Variants in ENOX1 observed in about 807,000 individuals in gnomAD.
ENOX1 encodes the protein ecto-NOX disulfide-thiol exchanger 1.
In ENOX1, 42 loss-of-function variants were observed where a neutral mutation model predicts 82.5. The ratio of observed to expected loss-of-function variants is 0.51; its 90% CI spans 0.40 to 0.66. The LOEUF (loss-of-function observed/expected upper bound fraction) is 0.66. Ranked by LOEUF, ENOX1 falls within the 30% of genes least tolerant of loss-of-function variation. ENOX1 has a pLI of 0.00. For missense variants in ENOX1, 608 were observed against 811.6 expected (o/e 0.75, Z 3.05); for synonymous variants, 271 against 282.2 (o/e 0.96, Z 0.40).
intron 14 of ENOX1, among the ~76,000 whole-genome samples, chr13:43,246,179 G>T (rs1027404409): frequency 5.3e-5 from 8 of 152,214 alleles, no homozygotes; most frequent in Admixed American, 2.0e-4. Context: ...TCGAAGTCAG[G>T]CTATTACATT....
rs1299566108 is a variant in ENOX1 at position 43,316,184 on chromosome 13, TG to T, written c.1261+6199del. On this transcript the variant is annotated intron_variant, in intron 11 of 16. Transcript: ENST00000690772. Reference sequence around the variant, plus strand: ...GACAGGAGCTGGGAACATGCTGGGCTGTCATGCAGGAAACTTTGTGGAGACC... The same window carrying T: ...GACAGGAGCTGGGAACATGCTGGGCTTCATGCAGGAAACTTTGTGGAGACC... Among the ~76,000 whole-genome samples the T allele has an allele frequency of 2.0e-5, 3 of 152,220 alleles. No homozygotes were observed. In the East Asian group the frequency reaches 5.8e-4, roughly 29 times the overall value.
intron 3 of ENOX1, among the ~76,000 whole-genome samples, chr13:43,475,810 A>AG (rs2058257317): frequency 1.3e-5 from 2 of 151,200 alleles, no homozygotes; most frequent in African/African-American, 4.8e-5. Context: ...AAAAAAAAAA[A>AG]AAAAAGAAAG....
At chr13:43,442,195 T>A (rs1407768) in intron 3 of ENOX1, among the ~76,000 whole-genome samples, 53,731 of 152,006 alleles carry the variant, frequency 0.35, 10,798 homozygotes, top group South Asian at 0.47. Flanking sequence ...CAGCTGCCCA[T>A]GAAAATGAGA....
intron 11 of ENOX1, chr13:43,321,101 T>C (rs745891855): frequency 8.5e-5 from 39 of 456,168 alleles, no homozygotes; most frequent in Non-Finnish European, 1.6e-4. Context: ...GTTAAGCACC[T>C]GAAAGATTAA....
At chr13:43,623,590 C>T (rs143856698) in intron 2 of ENOX1, among the ~76,000 whole-genome samples, 18 of 152,172 alleles carry the variant, frequency 1.2e-4, no homozygotes, top group Admixed American at 3.9e-4. Context: ...AACAGTTTTG[C>T]GGGGTGGTAT....
intron 3 of ENOX1, among the ~76,000 whole-genome samples, chr13:43,447,754 G>C (rs185799732): frequency 3.3e-5 from 5 of 152,250 alleles, no homozygotes; most frequent in Admixed American, 2.0e-4. Flanking sequence ...AAGGCTAGTA[G>C]TTTTGAAGTT....
chr13:43,539,296 ATATGCACTTAAGGCTATACATTTTCC>A (rs1450051956), intron 2 of ENOX1, among the ~76,000 whole-genome samples: 3 of 152,172 alleles, frequency 2.0e-5, no homozygotes. Context: ...TCCTTTGAAC[ATATGCACTTAAGGCTATACATTTTCC>A]TCAAAGATGG....
intron 16 of ENOX1, among the ~76,000 whole-genome samples, chr13:43,215,592 G>C (rs2041429425): frequency 6.6e-6 from 1 of 152,204 alleles, no homozygotes; most frequent in Non-Finnish European, 1.5e-5. Flanking sequence ...GAGCTACAGA[G>C]GGTTAAGTGT....
intron 2 of ENOX1, among the ~76,000 whole-genome samples, chr13:43,500,170 G>A (rs2076931838): frequency 6.6e-6 from 1 of 151,902 alleles, no homozygotes. Context: ...AAGAGAAAAA[G>A]GAACAGAAAG....
chr13:43,552,827 C>T (rs893228004), intron 2 of ENOX1, among the ~76,000 whole-genome samples: 1 of 152,138 alleles, frequency 6.6e-6, no homozygotes, highest in African/African-American at 2.4e-5. Flanking sequence ...CAAATGATTG[C>T]TTATCCAAGC....
At chr13:43,280,340 C>A (rs970423543) in intron 12 of ENOX1, among the ~76,000 whole-genome samples, 1 of 152,194 alleles carries the variant, frequency 6.6e-6, no homozygotes, top group Non-Finnish European at 1.5e-5. Context: ...TTTGGAGGTA[C>A]CTTTTGCAAG....
chr13:43,380,342 T>C (rs961303744), intron 5 of ENOX1, among the ~76,000 whole-genome samples: 2 of 151,662 alleles, frequency 1.3e-5, no homozygotes, highest in African/African-American at 2.4e-5. Context: ...CAATGTATTC[T>C]GGGTTTATGA....
intron 8 of ENOX1, among the ~76,000 whole-genome samples, chr13:43,346,025 T>C (rs912761965): frequency 2.0e-5 from 3 of 152,222 alleles, no homozygotes; most frequent in Non-Finnish European, 4.4e-5. Flanking sequence ...AGATTTCGTT[T>C]CACTCACCAG....
At chr13:43,449,103 G>C (rs1007563827) in intron 3 of ENOX1, among the ~76,000 whole-genome samples, 4 of 152,172 alleles carry the variant, frequency 2.6e-5, no homozygotes. Flanking sequence ...CCTTTTATAA[G>C]AGTTTAGAGG....
chr13:43,595,126 G>A (rs1370236727), intron 2 of ENOX1, among the ~76,000 whole-genome samples: 1 of 149,192 alleles, frequency 6.7e-6, no homozygotes, highest in Non-Finnish European at 1.5e-5. Flanking sequence ...GCCTTAGGGA[G>A]GGAAAGCGGC....
chr13:43,349,916 C>A (rs2049662357), intron 8 of ENOX1, among the ~76,000 whole-genome samples: 1 of 151,930 alleles, frequency 6.6e-6, no homozygotes, highest in Admixed American at 6.6e-5. Context: ...GCTGTCACTT[C>A]TATCCAGGAA....
chr13:43,470,400 G>GTA (rs367942044), intron 3 of ENOX1, among the ~76,000 whole-genome samples: 12,443 of 38,398 alleles, frequency 0.32, 2,408 homozygotes, highest in Non-Finnish European at 0.51. Context: ...ATATATATGT[G>GTA]TATATATATA....
At chr13:43,291,640 C>T (rs1302919605) in intron 12 of ENOX1, among the ~76,000 whole-genome samples, 2 of 152,110 alleles carry the variant, frequency 1.3e-5, no homozygotes, top group Non-Finnish European at 2.9e-5. Flanking sequence ...CTTCCCACTG[C>T]ACCACTTCCC....
intron 13 of ENOX1, among the ~76,000 whole-genome samples, chr13:43,268,526 C>T (rs923937775): frequency 6.6e-6 from 1 of 152,060 alleles, no homozygotes; most frequent in Non-Finnish European, 1.5e-5. Flanking sequence ...ATCACTCATA[C>T]CTTTGGGAGA....
Sources: gnomAD v4.1 joint callset for allele counts (sites outside exome capture counted in the v4.1 genomes callset) on GRCh38, gnomAD v4.1.1 for gene constraint, MANE v1.5 for transcripts, NCBI Gene and HGNC (gene_info 2026-07-23, HGNC 2026-07-21) for gene names.